Variants in TLE1 observed in about 807,000 individuals in gnomAD.
The protein encoded by TLE1 is TLE family member 1, transcriptional corepressor, also known as transducin-like enhancer protein 1.
Under a neutral mutation model 89.8 loss-of-function variants are expected in TLE1, and 21 were observed. That is an observed-to-expected ratio of 0.23 (90% confidence interval 0.17 to 0.34). The LOEUF is 0.34. Ranked by LOEUF, TLE1 falls within the 10% of genes least tolerant of loss-of-function variation. TLE1 has a pLI of 1.00. For synonymous variants in TLE1, 447 were observed against 407.6 expected, an observed-to-expected ratio of 1.10 and a Z score of -1.16; for missense variants, 795 against 1,031.2, an observed-to-expected ratio of 0.77 and a Z score of 3.14.
intron 4 of TLE1, among the ~76,000 whole-genome samples, chr9:81,659,004 G>C (rs1249340684): frequency 6.6e-6 from 1 of 151,960 alleles, no homozygotes; most frequent in Non-Finnish European, 1.5e-5. Flanking sequence ...CGACTCCCTG[G>C]TTAAAGCAAT....
At chr9:81,656,544 T>C (rs953770006) in intron 4 of TLE1, among the ~76,000 whole-genome samples, 1 of 152,186 alleles carries the variant, frequency 6.6e-6, no homozygotes, top group African/African-American at 2.4e-5. Context: ...CATCCAAGGA[T>C]AAGCATGGGT....
chr9:81,665,095 C>A (rs547251854), intron 4 of TLE1, among the ~76,000 whole-genome samples: 54 of 152,292 alleles, frequency 3.5e-4, no homozygotes, highest in African/African-American at 1.3e-3. Flanking sequence ...AGAGGTCAGG[C>A]CTGTCTCTCT....
Position 81,611,796 on chromosome 9 carries a change from G to A in TLE1, c.1227C>T (p.Ala409=), listed in dbSNP as rs539700069. ...TGGGGGAGCGCCCGTAGGCCACCAC[G>A]GCGGCCGCGGCGGCTGCGGCGCTCA... is the stretch of plus-strand genomic sequence containing the variant. ...PQMSAAAAAA[A]VVAYGRSPMV... Residue 409 remains alanine, a synonymous_variant, in exon 13 of 20, where the codon GCC becomes GCT. Transcript: ENST00000376499. The A allele has an allele frequency of 1.8e-5, 28 of 1,545,474 alleles. No homozygotes were observed. Among genetic ancestry groups the A allele is most frequent in the East Asian group, 1.5e-4 (6 of 39,270 alleles).
intron 6 of TLE1, among the ~76,000 whole-genome samples, chr9:81,645,417 C>T (rs925027690): frequency 1.3e-5 from 2 of 148,964 alleles, no homozygotes; most frequent in African/African-American, 4.9e-5. Flanking sequence ...TTTAAAATAA[C>T]TAAAAGCGTG....
intron 6 of TLE1, among the ~76,000 whole-genome samples, chr9:81,636,633 G>A (rs12378468): frequency 0.13 from 20,436 of 152,000 alleles, 1,689 homozygotes; most frequent in Non-Finnish European, 0.18. Context: ...CTAGAATGGA[G>A]TCACCAGAAG....
intron 8 of TLE1, among the ~76,000 whole-genome samples, chr9:81,627,281 T>C (rs1401977225): frequency 1.3e-5 from 2 of 150,402 alleles, no homozygotes; most frequent in African/African-American, 4.9e-5. Context: ...CAAACTCAAG[T>C]CAAAAAGAGG....
intron 4 of TLE1, among the ~76,000 whole-genome samples, chr9:81,675,727 A>C (rs138832065): frequency 0.03 from 2,858 of 94,816 alleles, 157 homozygotes; most frequent in African/African-American, 0.13. Flanking sequence ...TTTGAGACGG[A>C]GTCTCGCTCT....
At chr9:81,592,886 G>A (rs1441993493) in intron 15 of TLE1, 139 bp downstream of exon 15, 1 of 1,212,014 alleles carries the variant, frequency 8.3e-7, no homozygotes, top group Non-Finnish European at 1.1e-6. Flanking sequence ...GGGAGCCGAG[G>A]GGGTTAAATA....
At chr9:81,651,393 T>A (rs183011539) in intron 6 of TLE1, among the ~76,000 whole-genome samples, 7 of 152,252 alleles carry the variant, frequency 4.6e-5, no homozygotes, top group Admixed American at 4.6e-4. Context: ...TTCACCAGAT[T>A]CATTAATGCA....
intron 14 of TLE1, among the ~76,000 whole-genome samples, chr9:81,600,968 C>T (rs1830839608): frequency 6.6e-6 from 1 of 152,174 alleles, no homozygotes. Flanking sequence ...CGCCAGCTTT[C>T]CCGGGCCTCC....
chr9:81,612,662 G>A (rs921579676), intron 12 of TLE1, among the ~76,000 whole-genome samples: 3 of 152,294 alleles, frequency 2.0e-5, no homozygotes, highest in African/African-American at 7.2e-5. Context: ...GTTTCAGCCA[G>A]TATTAGCAAA....
intron 1 of TLE1, 51 bp from the exon 2 acceptor site, chr9:81,687,485 A>G: frequency 5.7e-6 from 8 of 1,413,230 alleles, no homozygotes; most frequent in Non-Finnish European, 7.9e-6. Flanking sequence ...GGGCGGATGA[A>G]TAAAGCAGTA....
chr9:81,664,898 T>TGACC (rs547621668), intron 4 of TLE1, among the ~76,000 whole-genome samples: 267 of 152,288 alleles, frequency 1.8e-3, no homozygotes, highest in African/African-American at 6.3e-3. Flanking sequence ...AGTTCCCAGG[T>TGACC]GACCCTGAGG....
intron 1 of TLE1, among the ~76,000 whole-genome samples, chr9:81,687,777 T>C (rs910861127): frequency 1.3e-5 from 2 of 151,914 alleles, no homozygotes; most frequent in African/African-American, 2.4e-5. Context: ...GCGGCGATAA[T>C]GACCCCGGGG....
At chr9:81,647,650 A>C (rs1360856947) in intron 6 of TLE1, among the ~76,000 whole-genome samples, 1 of 152,162 alleles carries the variant, frequency 6.6e-6, no homozygotes, top group African/African-American at 2.4e-5. Context: ...CAGTTCAAGG[A>C]GTCAGGACCA....
intron 14 of TLE1, among the ~76,000 whole-genome samples, chr9:81,600,274 C>T (rs896260049): frequency 2.6e-5 from 4 of 152,166 alleles, no homozygotes; most frequent in African/African-American, 9.7e-5. Context: ...GAAATATACA[C>T]ACTACATTTA....
At chr9:81,647,333 T>C (rs1284770355) in intron 6 of TLE1, among the ~76,000 whole-genome samples, 1 of 152,240 alleles carries the variant, frequency 6.6e-6, no homozygotes, top group African/African-American at 2.4e-5. Flanking sequence ...AAGCCAATGA[T>C]GTCTTCACGT....
chr9:81,658,844 T>C (rs1008358844), intron 4 of TLE1, among the ~76,000 whole-genome samples: 2 of 152,186 alleles, frequency 1.3e-5, no homozygotes, highest in African/African-American at 2.4e-5. Flanking sequence ...TCTGGTAAGA[T>C]TCTTAATTTA....
At chr9:81,616,332 C>A (rs1488862002) in intron 10 of TLE1, among the ~76,000 whole-genome samples, 198 bp from the exon 11 acceptor site, 6 of 151,840 alleles carry the variant, frequency 4.0e-5, no homozygotes, top group Admixed American at 1.3e-4. Flanking sequence ...AAAAAAAAAA[C>A]CCCGCAGTCA....
Sources: allele counts gnomAD v4.1 joint callset (sites outside exome capture counted in the v4.1 genomes callset), GRCh38; gene constraint gnomAD v4.1.1; transcripts MANE v1.5; gene names NCBI Gene and HGNC (gene_info 2026-07-23, HGNC 2026-07-21).